The following CACNB2 variants were observed in gnomAD, a reference collection of about 807,000 sequenced individuals.
CACNB2 encodes voltage-dependent L-type calcium channel subunit beta-2.
In CACNB2, 42 loss-of-function variants were observed where a neutral mutation model predicts 73.3. That is an observed-to-expected ratio of 0.57 (90% CI 0.45 to 0.74). CACNB2 has a LOEUF of 0.74. Ranked by LOEUF, CACNB2 falls within the 30% of genes least tolerant of loss-of-function variation. The pLI is 0.00. For missense variants in CACNB2, 940 were observed against 853.0 expected, an observed-to-expected ratio of 1.10 and a Z score of -1.27; for synonymous variants, 348 against 310.3, an observed-to-expected ratio of 1.12 and a Z score of -1.28.
chr10:18,285,923 G>A (rs574467813), intron 2 of CACNB2, among the ~76,000 whole-genome samples: 15 of 152,240 alleles, frequency 9.9e-5, no homozygotes, highest in African/African-American at 3.4e-4. Context: ...TGAAGCCTAC[G>A]GAAGTCTTTT....
intron 2 of CACNB2, among the ~76,000 whole-genome samples, chr10:18,339,476 G>A (rs1463147931): frequency 3.3e-5 from 5 of 152,048 alleles, no homozygotes; most frequent in Admixed American, 1.3e-4. Flanking sequence ...AGCCGAGATC[G>A]CGCCACTGCA....
intron 2 of CACNB2, among the ~76,000 whole-genome samples, chr10:18,366,401 C>T (rs565008028): frequency 8.1e-5 from 12 of 148,050 alleles, no homozygotes; most frequent in African/African-American, 3.0e-4. Flanking sequence ...GGAGGCGGAG[C>T]TTGCAGTAAG....
intron 2 of CACNB2, among the ~76,000 whole-genome samples, chr10:18,154,140 T>G (rs1360462288): frequency 1.3e-5 from 2 of 152,070 alleles, no homozygotes; most frequent in Non-Finnish European, 2.9e-5. Context: ...ATTTTATTGT[T>G]ATAAACAGTA....
chr10:18,171,212 A>G (rs1035896595), intron 2 of CACNB2, among the ~76,000 whole-genome samples: 6 of 152,214 alleles, frequency 3.9e-5, no homozygotes, highest in African/African-American at 1.4e-4. Context: ...CTCTTCTAGC[A>G]TGTTTCACTC....
intron 3 of CACNB2, among the ~76,000 whole-genome samples, chr10:18,476,143 G>T (rs150738861): frequency 1.3e-5 from 2 of 152,144 alleles, no homozygotes; most frequent in Non-Finnish European, 1.5e-5. Flanking sequence ...GAAACTGAGG[G>T]TTCCTCCCCC....
chr10:18,486,889 G>A (rs1170022795), intron 3 of CACNB2, among the ~76,000 whole-genome samples: 1 of 152,018 alleles, frequency 6.6e-6, no homozygotes, highest in African/African-American at 2.4e-5. Flanking sequence ...GGGAAATCGA[G>A]GACGTGGACG....
At chr10:18,536,241 A>ACCTTT in intron 12 of CACNB2, 45 bp downstream of exon 12, 1 of 281,472 alleles carries the variant, frequency 3.6e-6, no homozygotes, top group East Asian at 1.1e-4. Context: ...CAGAGATCAG[A>ACCTTT]CCTTTTTTTT....
chr10:18,539,819 CAT>C lies in CACNB2; in HGVS notation c.*98_*99del. The C allele has an allele frequency of 8.3e-7, 1 of 1,209,286 alleles. No individual in the cohort carries two copies. The highest frequency in any genetic ancestry group is 1.4e-5 in the South Asian group (1 of 73,262). The allele number at this position is 1,209,286 out of a possible 1,614,324, so 74.9% of individuals were successfully genotyped here. A position where few individuals can be genotyped will look rare whatever the true frequency, so the allele number is the denominator to read the frequency against. ...AAGTCTTTGGGGTCTACACTGCAAT[CAT>C]ATGTGATCTGTCTTGTAATATTTTG... On this transcript the variant is annotated 3_prime_UTR_variant, in exon 14 of 14. Coordinates refer to ENST00000324631, the MANE Select transcript of CACNB2 (RefSeq NM_201596.3).
intron 2 of CACNB2, among the ~76,000 whole-genome samples, chr10:18,290,270 G>A (rs1262137687): frequency 6.6e-6 from 1 of 151,548 alleles, no homozygotes; most frequent in South Asian, 2.1e-4. Flanking sequence ...CAGGTGATCC[G>A]CCCACCTCGG....
intron 3 of CACNB2, among the ~76,000 whole-genome samples, chr10:18,410,446 T>G (rs1319008725): frequency 6.6e-6 from 1 of 152,162 alleles, no homozygotes; most frequent in Non-Finnish European, 1.5e-5. Flanking sequence ...CTAACTAGCC[T>G]TTGAAGAAGA....
intron 3 of CACNB2, among the ~76,000 whole-genome samples, chr10:18,460,311 A>G (rs75689771): frequency 0.17 from 25,320 of 151,922 alleles, 2,317 homozygotes; most frequent in East Asian, 0.22. Flanking sequence ...TTGCACATTT[A>G]CATTCTTTCT....
chr10:18,323,257 C>T (rs1306955722), intron 2 of CACNB2, among the ~76,000 whole-genome samples: 1 of 152,024 alleles, frequency 6.6e-6, no homozygotes, highest in Non-Finnish European at 1.5e-5. Context: ...CTGCTCCTGG[C>T]CTCTCCTTGT....
At chr10:18,290,696 C>A (rs1681341625) in intron 2 of CACNB2, among the ~76,000 whole-genome samples, 1 of 152,224 alleles carries the variant, frequency 6.6e-6, no homozygotes, top group Admixed American at 6.5e-5. Context: ...TCCAGCAGAA[C>A]CTTCCAGAAT....
At chr10:18,405,779 G>C (rs2044255901) in intron 3 of CACNB2, among the ~76,000 whole-genome samples, 1 of 152,058 alleles carries the variant, frequency 6.6e-6, no homozygotes, top group Admixed American at 6.5e-5. Flanking sequence ...GCAACATGGT[G>C]AAACGCTGTC....
At position 18,518,959 on chromosome 10, in the gene CACNB2, T is replaced by G; in HGVS notation, c.935T>G (p.Phe312Cys). ...CTGTTTGATTTTTTAAAACACAGAT[T>G]TGAAGGGCGGTGAGTATTTCAGCAT... ...KALFDFLKHR[F>C]EGRISITRVT... The change falls in exon 9 of 14, where the codon TTT (phenylalanine) becomes TGT (cysteine). Residue 312 changes from phenylalanine to cysteine, a missense_variant. Phe to Cys is a radical substitution (Grantham distance 205). Transcript: ENST00000324631. 1 of 1,613,852 alleles carries G rather than the reference T, an allele frequency of 6.2e-7. No homozygotes were observed. Among genetic ancestry groups the G allele is most frequent in the Non-Finnish European group, 8.5e-7 (1 of 1,179,762 alleles).
At chr10:18,388,052 T>C (rs2043308570) in intron 2 of CACNB2, among the ~76,000 whole-genome samples, 1 of 152,192 alleles carries the variant, frequency 6.6e-6, no homozygotes, top group Non-Finnish European at 1.5e-5. Context: ...CCACTGCACC[T>C]GGCCCAAGCC....
At chr10:18,536,648 GTAAACTGTCCTC>G (rs1428473042) in intron 12 of CACNB2, among the ~76,000 whole-genome samples, 1 of 152,114 alleles carries the variant, frequency 6.6e-6, no homozygotes, top group Non-Finnish European at 1.5e-5. Flanking sequence ...TCATTCCAAA[GTAAACTGTCCTC>G]CCTCCTTCCA....
chr10:18,292,430 G>A (rs1263519789), intron 2 of CACNB2, among the ~76,000 whole-genome samples: 1 of 152,138 alleles, frequency 6.6e-6, no homozygotes, highest in Non-Finnish European at 1.5e-5. Flanking sequence ...GGCCGAGGCG[G>A]GCAGATCACG....
At chr10:18,478,816 G>A (rs765564905) in intron 3 of CACNB2, among the ~76,000 whole-genome samples, 3 of 152,132 alleles carry the variant, frequency 2.0e-5, no homozygotes, top group Non-Finnish European at 2.9e-5. Flanking sequence ...TGCATTCTTG[G>A]TATTAACAGG....
Sources: gnomAD v4.1 joint callset for allele counts (sites outside exome capture counted in the v4.1 genomes callset) on GRCh38, gnomAD v4.1.1 for gene constraint, MANE v1.5 for transcripts, NCBI Gene and HGNC (gene_info 2026-07-23, HGNC 2026-07-21) for gene names.